FAM83H: variants seen among roughly 807,000 people sequenced by gnomAD.
The protein encoded by FAM83H is protein FAM83H.
A neutral mutation model predicts 30.2 loss-of-function variants in FAM83H; 24 were observed. The observed-to-expected ratio is 0.79, with a 90% CI of 0.57 to 1.12. The LOEUF (loss-of-function observed/expected upper bound fraction) is 1.12. FAM83H is among the 50% of genes most tolerant of loss of function. FAM83H has a pLI of 0.00. For missense variants in FAM83H, 2,038 were observed against 1,773.9 expected (o/e 1.15, Z -2.67); for synonymous variants, 1,013 against 821.7 (o/e 1.23, Z -3.98).
At position 143,725,549 on chromosome 8, in the gene FAM83H, C is replaced by G. The variant is rs116336990; in HGVS notation, c.*372G>C. On this transcript the variant is annotated 3_prime_UTR_variant, in exon 5 of 5. Coordinates refer to ENST00000388913, the MANE Select transcript of FAM83H (RefSeq NM_198488.5). ...AGGCAGAGGTTGCAGTGAGCCCAGA[C>G]CGCTCAACTGCACTCCAGCCCTAGG... 0.015 allele frequency: 5,159 copies of G among 353,200 alleles called. 214 individuals are homozygous for G. The highest frequency in any genetic ancestry group is 0.094 in the African/African-American group (4,530 of 48,102). 21.9% of individuals were successfully genotyped at this position (353,200 alleles called of 1,614,324 possible).
chr8:143,725,935 T>A lies in FAM83H; in HGVS notation c.3526A>T (p.Lys1176Ter), dbSNP rs1554621448. ...KFVPKILGTF[K>*]SKK ...GGCCAGAAGACTCACTTCTTGCTTT[T>A]GAACGTGCCCAGGATCTTGGGCACG... is the stretch of plus-strand genomic sequence containing the variant. Residue 1176 changes from lysine (K) to a stop codon, truncating the protein, a stop_gained, in exon 5 of 5, where the codon AAA (lysine) becomes TAA (stop). Coordinates refer to ENST00000388913, the MANE Select transcript of FAM83H (RefSeq NM_198488.5). LOFTEE classifies it high-confidence loss of function. 1 of 1,612,952 alleles carries A rather than the reference T, an allele frequency of 6.2e-7. No individual in the cohort carries two copies. Among genetic ancestry groups the A allele is most frequent in the Non-Finnish European group, 8.5e-7 (1 of 1,179,948 alleles).
chr8:143,729,341 G>A lies in FAM83H; in HGVS notation c.448-18C>T, dbSNP rs1554623815. On this transcript the variant is annotated intron_variant, in intron 2 of 4. Coordinates refer to ENST00000388913, the MANE Select transcript of FAM83H (RefSeq NM_198488.5). ...GCCACCACCTGCAGGGGCGGGTCAGGACGGAGAGGAGAGGCCCCTGCTGTC... is the reference window on the plus strand; with the variant it reads ...GCCACCACCTGCAGGGGCGGGTCAGAACGGAGAGGAGAGGCCCCTGCTGTC... 6.2e-7 allele frequency: 1 copy of A among 1,612,362 alleles called. No homozygotes were observed. The highest frequency in any genetic ancestry group is 8.5e-7 in the Non-Finnish European group (1 of 1,179,886).
Position 143,727,731 on chromosome 8 carries a change from C to T in FAM83H, c.1730G>A (p.Gly577Glu), listed in dbSNP as rs781803048. 1.3e-6 allele frequency: 2 copies of T among 1,526,638 alleles called. No individual in the cohort carries two copies. Among genetic ancestry groups the T allele is most frequent in the South Asian group, 1.2e-5 (1 of 83,570 alleles). The allele number at this position is 1,526,638 out of a possible 1,614,324, so 94.6% of individuals were successfully genotyped here. Reference sequence around the variant, plus strand: ...GGAGGCCAAACGCCAGCGCCGCAGCCCTGCCCGCCCCTCGGGCCCGCCCCT... The same window carrying T: ...GGAGGCCAAACGCCAGCGCCGCAGCTCTGCCCGCCCCTCGGGCCCGCCCCT... ...ERRGGPEGRA[G>E]LRRWRLASYL... Residue 577 changes from glycine to glutamate, a missense_variant, in exon 5 of 5, where the codon GGG (glycine) becomes GAG (glutamate). By Grantham distance (98) the Gly-to-Glu change is moderately conservative. Coordinates refer to ENST00000388913, the MANE Select transcript of FAM83H (RefSeq NM_198488.5).
rs782182936 is a variant in FAM83H at position 143,730,174 on chromosome 8, T to C, written c.409A>G (p.Lys137Glu). 3 of 1,603,396 alleles carry C rather than the reference T, an allele frequency of 1.9e-6. No individual in the cohort carries two copies. Among genetic ancestry groups the C allele is most frequent in the East Asian group, 2.2e-5 (1 of 44,632 alleles). Residue 137 changes from lysine to glutamate, a missense_variant, in exon 2 of 5, where the codon AAG (lysine) becomes GAG (glutamate). Physicochemically the swap from Lys to Glu is moderately conservative, Grantham distance 56. Transcript: ENST00000388913. ...CGGATCATCCTGCGGGCCTCATCCT[T>C]GATACTGGGGCTGTCGGGGGGCGGT... ...QPPPPDSPSIKDEARRMIRSA... is the reference protein window; with the variant it reads ...QPPPPDSPSIEDEARRMIRSA...
In FAM83H at chr8:143,726,463, G is replaced by C; in HGVS notation, c.2998C>G (p.Arg1000Gly). ...TCACCCTGGCCCAGTGACAGACGCC[G>C]CGGGCTCTCGGGTTGGCCGTTCTCC... ...PQENGQPESPRRLSLGQGDST... is the reference protein window; with the variant it reads ...PQENGQPESPGRLSLGQGDST... The change falls in exon 5 of 5, where the codon CGG (arginine) becomes GGG (glycine). Residue 1000 changes from arginine to glycine, a missense_variant. By Grantham distance (125) the Arg-to-Gly change is moderately radical (BLOSUM62 -2). Coordinates refer to ENST00000388913, the MANE Select transcript of FAM83H (RefSeq NM_198488.5). The C allele has an allele frequency of 1.9e-6, 3 of 1,602,930 alleles. No individual in the cohort carries two copies. The highest frequency in any genetic ancestry group is 2.5e-6 in the Non-Finnish European group (3 of 1,178,036).
chr8:143,730,627 G>T (rs782559001), intron 1 of FAM83H, 30 bp from the exon 2 acceptor site: 3 of 1,440,164 alleles, frequency 2.1e-6, no homozygotes, highest in Non-Finnish European at 2.8e-6. Flanking sequence ...CATGACTAGG[G>T]GTGGGGGCAC....
In FAM83H at chr8:143,728,972, G is replaced by A. The variant is rs1363796841; in HGVS notation, c.732C>T (p.Ser244=). 1.2e-6 allele frequency: 2 copies of A among 1,613,646 alleles called. No homozygotes were observed. Among genetic ancestry groups the A allele is most frequent in the Non-Finnish European group, 1.7e-6 (2 of 1,179,988 alleles). The change falls in exon 4 of 5, where the codon AGC becomes AGT. Residue 244 remains serine, a synonymous_variant. Transcript: ENST00000388913. ...LVDCAVVMSG[S]YSFMWSFEKI... The stretch of plus-strand genomic sequence containing the variant: ...AGGGAGCCCCGCGGGCGCACCTGTA[G>A]CTCCCACTCATCACCACGGCACAGT...
Position 143,728,678 on chromosome 8 carries a change from C to T in FAM83H, c.783G>A (p.Val261=), listed in dbSNP as rs1818402571. ...FEKIHRSLAH[V]FQGELVSSFD... ...AGCTGGAGACCAGCTCTCCTTGGAACACGTGCGCCAGGCTGCGGTGGATCT... is the reference window on the plus strand; with the variant it reads ...AGCTGGAGACCAGCTCTCCTTGGAATACGTGCGCCAGGCTGCGGTGGATCT... The change falls in exon 5 of 5, where the codon GTG becomes GTA. Residue 261 remains valine, a synonymous_variant. Coordinates refer to ENST00000388913, the MANE Select transcript of FAM83H (RefSeq NM_198488.5). The T allele has an allele frequency of 2.5e-6, 4 of 1,602,652 alleles. No individual in the cohort carries two copies. The highest frequency in any genetic ancestry group is 3.4e-6 in the Non-Finnish European group (4 of 1,179,882).
In FAM83H at chr8:143,726,706, C is replaced by A; in HGVS notation, c.2755G>T (p.Val919Leu). ...PERRGSPVPP[V>L]PERRSSPVPP... ...ACCGGACTGCTCCTGCGCTCCGGCACGGGGGGCACCGGACTACCCCTGCGC... is the reference window on the plus strand; with the variant it reads ...ACCGGACTGCTCCTGCGCTCCGGCAAGGGGGGCACCGGACTACCCCTGCGC... The change falls in exon 5 of 5, where the codon GTG (valine) becomes TTG (leucine). Residue 919 changes from valine to leucine, a missense_variant. Val to Leu is a conservative substitution (Grantham distance 32). Transcript: ENST00000388913. The A allele has an allele frequency of 6.2e-7, 1 of 1,604,842 alleles. No individual in the cohort carries two copies. The highest frequency in any genetic ancestry group is 1.7e-4 in the Middle Eastern group (1 of 6,022).
rs370654823 is a variant in FAM83H at position 143,726,574 on chromosome 8, G to A, written c.2887C>T (p.Arg963Cys). ...TGCCTAAGACGCAAGGAGCCTTTGC[G>A]CAGGACTTCCATGGGGCCGCTCGGC... ...EGPSGPMEVL[R>C]KGSLRLRQLL... is the part of the protein sequence containing the mutation. Residue 963 changes from arginine to cysteine, a missense_variant, in exon 5 of 5, where the codon CGC becomes TGC. Transcript: ENST00000388913. 5.7e-5 allele frequency: 91 copies of A among 1,603,108 alleles called. No homozygotes were observed. The highest frequency in any genetic ancestry group is 6.9e-5 in the Non-Finnish European group (81 of 1,178,760).
At position 143,727,315 on chromosome 8, in the gene FAM83H, T is replaced by G. The variant is rs1188207099; in HGVS notation, c.2146A>C (p.Ser716Arg). ...TCTCCGCCGGGCCCCAGCGTCTCGCTGACCGTCTGCTCCTTGTGCAGCAGC... is the reference window on the plus strand; with the variant it reads ...TCTCCGCCGGGCCCCAGCGTCTCGCGGACCGTCTGCTCCTTGTGCAGCAGC... ...VQLLHKEQTVSETLGPGGEAV... is the reference protein window; with the variant it reads ...VQLLHKEQTVRETLGPGGEAV... The change falls in exon 5 of 5, where the codon AGC becomes CGC. Residue 716 changes from serine (S) to arginine (R), a missense_variant. Transcript: ENST00000388913. The G allele has an allele frequency of 3.9e-6, 6 of 1,549,598 alleles. No individual in the cohort carries two copies. Among genetic ancestry groups the G allele is most frequent in the Non-Finnish European group, 3.5e-6 (4 of 1,154,394 alleles).
rs1554622512 is a variant in FAM83H, at chr8:143,727,343, C to T, written c.2118G>A (p.Val706=). ...AAGAAAATEK[V]QLLHKEQTVS... Reference sequence around the variant, plus strand: ...CCGTCTGCTCCTTGTGCAGCAGCTGCACCTTCTCAGTGGCCGCCGCAGCCC... The same window carrying T: ...CCGTCTGCTCCTTGTGCAGCAGCTGTACCTTCTCAGTGGCCGCCGCAGCCC... The change falls in exon 5 of 5, where the codon GTG becomes GTA. Residue 706 remains valine, a synonymous_variant. Transcript: ENST00000388913. 1 of 1,566,046 alleles carries T rather than the reference C, an allele frequency of 6.4e-7. No individual in the cohort carries two copies. Among genetic ancestry groups the T allele is most frequent in the Non-Finnish European group, 8.6e-7 (1 of 1,163,910 alleles).
Position 143,726,853 on chromosome 8 carries a change from T to G in FAM83H, c.2608A>C (p.Ser870Arg), listed in dbSNP as rs1554622108. 5.0e-6 allele frequency: 8 copies of G among 1,612,938 alleles called. No individual in the cohort carries two copies. The highest frequency in any genetic ancestry group is 6.8e-6 in the Non-Finnish European group (8 of 1,179,928). The part of the protein sequence containing the change: ...HQVLHNESKG[S>R]PTSAYPERKG... ...CGCTCAGGGTAAGCCGAGGTGGGGC[T>G]CCCTTTTGACTCATTATGGAGCACC... The change falls in exon 5 of 5, where the codon AGC becomes CGC. Residue 870 changes from serine (S) to arginine (R), a missense_variant. Coordinates refer to ENST00000388913, the MANE Select transcript of FAM83H (RefSeq NM_198488.5).
Position 143,727,816 on chromosome 8 carries a change from G to C in FAM83H, c.1645C>G (p.Pro549Ala), listed in dbSNP as rs553219379. 7.5e-7 allele frequency: 1 copy of C among 1,333,766 alleles called. No homozygotes were observed. Among genetic ancestry groups the C allele is most frequent in the Non-Finnish European group, 9.5e-7 (1 of 1,051,426 alleles). 82.6% of individuals were successfully genotyped at this position (1,333,766 alleles called of 1,614,324 possible). A position where few individuals can be genotyped will look rare whatever the true frequency, so the allele number is the denominator to read the frequency against. The change falls in exon 5 of 5, where the codon CCA becomes GCA. Residue 549 changes from proline (P) to alanine (A), a missense_variant. Pro to Ala is a conservative substitution (Grantham distance 27, BLOSUM62 -1). Transcript: ENST00000388913. ...APRPNLTQRF[P>A]CQAAARPGPD... ...CCCGGCCTCGCCGCGGCCTGGCATGGGAAGCGCTGGGTCAGGTTGGGGCGC... is the reference window on the plus strand; with the variant it reads ...CCCGGCCTCGCCGCGGCCTGGCATGCGAAGCGCTGGGTCAGGTTGGGGCGC...
Position 143,726,970 on chromosome 8 carries a change from G to A in FAM83H, c.2491C>T (p.Leu831=). 4 of 1,605,214 alleles carry A rather than the reference G, an allele frequency of 2.5e-6. No individual in the cohort carries two copies. The highest frequency in any genetic ancestry group is 3.4e-6 in the Non-Finnish European group (4 of 1,177,050). The change falls in exon 5 of 5, where the codon CTG becomes TTG. Residue 831 remains leucine, a synonymous_variant. Coordinates refer to ENST00000388913, the MANE Select transcript of FAM83H (RefSeq NM_198488.5). ...DTLGRSGSDR[L]PSRFLSAQSH... ...TGGGCAGAGAGGAAGCGGGAAGGCA[G>A]GCGGTCGGAGCCGCTCCGGCCCAGT...
At chr8:143,732,736 A>G in intron 1 of FAM83H, 3 of 984,746 alleles carry the variant, frequency 3.0e-6, no homozygotes, top group Non-Finnish European at 1.2e-6. Flanking sequence ...GGCTGCAGCC[A>G]CTCCCGAGCC....
rs1818383051 is a variant in FAM83H at position 143,728,245 on chromosome 8, C to T, written c.1216G>A (p.Ala406Thr). The T allele has an allele frequency of 5.1e-6, 8 of 1,574,574 alleles. No homozygotes were observed. The highest frequency in any genetic ancestry group is 6.9e-6 in the Non-Finnish European group (8 of 1,166,822). The change falls in exon 5 of 5, where the codon GCC becomes ACC. Residue 406 changes from alanine (A) to threonine (T), a missense_variant. Transcript: ENST00000388913. ...FFQARHLEMDAFKRHSFATEG... is the reference protein window; with the variant it reads ...FFQARHLEMDTFKRHSFATEG... ...GTCGCGAAGCTGTGCCGCTTGAAGGCGTCCATCTCCAGGTGCCGCGCCTGG... is the reference window on the plus strand; with the variant it reads ...GTCGCGAAGCTGTGCCGCTTGAAGGTGTCCATCTCCAGGTGCCGCGCCTGG...
rs2129649378 is a variant in FAM83H at position 143,725,188 on chromosome 8, C to T, written c.*733G>A. The T allele has an allele frequency of 1.0e-5, 1 of 97,550 alleles. No homozygotes were observed. Among genetic ancestry groups the T allele is most frequent in the East Asian group, 2.5e-4 (1 of 3,972 alleles). The allele number at this position is 97,550 out of a possible 1,614,324, so 6.0% of individuals were successfully genotyped here. A position where few individuals can be genotyped will look rare whatever the true frequency, so the allele number is the denominator to read the frequency against. On this transcript the variant is annotated 3_prime_UTR_variant, in exon 5 of 5. Coordinates refer to ENST00000388913, the MANE Select transcript of FAM83H (RefSeq NM_198488.5). ...GGGGGGGGGGGAGGGAAGGAGGAGACCTTGAGAGAGGGAGGGAGCGGGGAG... is the reference window on the plus strand; with the variant it reads ...GGGGGGGGGGGAGGGAAGGAGGAGATCTTGAGAGAGGGAGGGAGCGGGGAG...
Position 143,725,764 on chromosome 8 carries a change from G to T in FAM83H, c.*157C>A. ...ACGGCAGCTGCCAGGTGAGCCTCCA[G>T]TGGAGCCGAGGTCTGGCGCACTCAG... On this transcript the variant is annotated 3_prime_UTR_variant, in exon 5 of 5. Transcript: ENST00000388913. The T allele has an allele frequency of 1.5e-6, 2 of 1,327,700 alleles. No individual in the cohort carries two copies. Among genetic ancestry groups the T allele is most frequent in the Non-Finnish European group, 1.0e-6 (1 of 979,404 alleles). The allele number at this position is 1,327,700 out of a possible 1,614,324, so 82.2% of individuals were successfully genotyped here. A position where few individuals can be genotyped will look rare whatever the true frequency, so the allele number is the denominator to read the frequency against.
Sources: gnomAD v4.1 joint callset for allele counts on GRCh38, gnomAD v4.1.1 for gene constraint, MANE v1.5 for transcripts, NCBI Gene and HGNC (gene_info 2026-07-23, HGNC 2026-07-21) for gene names.